Variants in SRGAP2 observed in about 807,000 individuals in gnomAD.
The protein encoded by SRGAP2 is SLIT-ROBO Rho GTPase-activating protein 2.
In SRGAP2, 15 loss-of-function variants were observed where a neutral mutation model predicts 57.2. The ratio of observed to expected loss-of-function variants is 0.26; its 90% CI spans 0.18 to 0.40. The LOEUF is 0.40. SRGAP2 is among the 10% of genes least tolerant of loss of function. The pLI is 1.00. For synonymous variants in SRGAP2, 249 were observed against 248.0 expected (o/e 1.00, Z -0.04); for missense variants, 520 against 669.6 (o/e 0.78, Z 2.47).
At chr1:206,272,701 T>C (rs2102659495) in intron 2 of SRGAP2, among the ~76,000 whole-genome samples, 1 of 152,348 alleles carries the variant, frequency 6.6e-6, no homozygotes, top group East Asian at 1.9e-4. Context: ...TGTGAGCCAC[T>C]GTGCCCAGCA....
At chr1:206,326,497 A>G (rs1269803328) in intron 3 of SRGAP2, among the ~76,000 whole-genome samples, 3 of 152,180 alleles carry the variant, frequency 2.0e-5, no homozygotes, top group Non-Finnish European at 4.4e-5. Context: ...AGCATTGTCC[A>G]TTAACTCTTT....
At chr1:206,453,438 A>C (rs1227414061) in intron 20 of SRGAP2, 58 bp downstream of exon 20, 2 of 506,922 alleles carry the variant, frequency 3.9e-6, no homozygotes, top group African/African-American at 2.0e-5. Flanking sequence ...TGGGAGTGAG[A>C]CTTCATTTCT....
At chr1:206,450,596 T>C in intron 19 of SRGAP2, 131 bp downstream of exon 19, 1 of 616,744 alleles carries the variant, frequency 1.6e-6, no homozygotes, top group Non-Finnish European at 2.9e-6. Context: ...GCTCCCTGTC[T>C]CAATTTCATT....
chr1:206,447,420 C>T (rs1027106550), intron 18 of SRGAP2, among the ~76,000 whole-genome samples: 1 of 152,198 alleles, frequency 6.6e-6, no homozygotes, highest in Non-Finnish European at 1.5e-5. Context: ...AAGAAAGTGG[C>T]ATTTGTGTTC....
intron 22 of SRGAP2, among the ~76,000 whole-genome samples, chr1:206,459,802 C>T (rs1664117151): frequency 6.6e-6 from 1 of 152,198 alleles, no homozygotes; most frequent in African/African-American, 2.4e-5. Context: ...TGGTTCTCTG[C>T]TTACGGAGAT....
At chr1:206,325,701 A>G (rs1306051845) in intron 3 of SRGAP2, among the ~76,000 whole-genome samples, 3 of 151,816 alleles carry the variant, frequency 2.0e-5, no homozygotes, top group African/African-American at 7.3e-5. Flanking sequence ...GAGAAATGCT[A>G]GTTGGTGACC....
At chr1:206,244,777 T>G (rs1331134473) in intron 2 of SRGAP2, among the ~76,000 whole-genome samples, 1 of 152,096 alleles carries the variant, frequency 6.6e-6, no homozygotes, top group African/African-American at 2.4e-5. Context: ...TCAAAAGAGG[T>G]TATAGCCAGG....
chr1:206,438,166 C>T (rs980067918), intron 16 of SRGAP2, 68 bp downstream of exon 16: 48 of 752,286 alleles, frequency 6.4e-5, no homozygotes, highest in Non-Finnish European at 1.5e-5. Flanking sequence ...GAAAAAGTTT[C>T]CACAGGGTCT....
At position 206,339,556 on chromosome 1, in the gene SRGAP2, A is replaced by AC. The variant is rs556891753; in HGVS notation, c.261-3289dup. On this transcript the variant is annotated intron_variant, in intron 3 of 22. Transcript: ENST00000573034. ...TTGCAGTGGTATCTAATGCAGGGAG[A>AC]CTGGGTCCTGGGTCTCTTGCTCATG... Among the ~76,000 whole-genome samples, 253 of 152,230 alleles carry AC rather than the reference A, an allele frequency of 1.7e-3. 4 individuals are homozygous for AC. Among genetic ancestry groups the AC allele is most frequent in the Admixed American group, 0.013 (201 of 15,288 alleles).
chr1:206,340,813 A>G (rs1675131544), intron 3 of SRGAP2, among the ~76,000 whole-genome samples: 1 of 149,108 alleles, frequency 6.7e-6, no homozygotes, highest in Admixed American at 6.7e-5. Flanking sequence ...TTTTTTCCCC[A>G]GATACTAAAC....
chr1:206,455,168 T>C, intron 21 of SRGAP2, 144 bp downstream of exon 21: 1 of 731,698 alleles, frequency 1.4e-6, no homozygotes, highest in South Asian at 1.5e-5. Context: ...TGGTCATTGC[T>C]GCTGCAAGGC....
chr1:206,254,639 A>G (rs1279770592), intron 2 of SRGAP2, among the ~76,000 whole-genome samples: 5 of 151,512 alleles, frequency 3.3e-5, no homozygotes, highest in African/African-American at 1.2e-4. Flanking sequence ...AAAAAAAAAG[A>G]TGTTCCAGGA....
chr1:206,281,438 G>A (rs1396450652), intron 2 of SRGAP2, among the ~76,000 whole-genome samples: 3 of 119,316 alleles, frequency 2.5e-5, no homozygotes, highest in African/African-American at 4.3e-5. Flanking sequence ...AAATCAAGTT[G>A]ACATAATACA....
chr1:206,394,387 C>A (rs1379994462), intron 7 of SRGAP2, among the ~76,000 whole-genome samples: 2 of 152,178 alleles, frequency 1.3e-5, no homozygotes, highest in Non-Finnish European at 2.9e-5. Context: ...ACATCAGCTT[C>A]TCTTGCACAG....
intron 4 of SRGAP2, among the ~76,000 whole-genome samples, chr1:206,347,021 C>T (rs1675679410): frequency 6.7e-6 from 1 of 148,812 alleles, no homozygotes; most frequent in African/African-American, 2.5e-5. Context: ...GTGGGAGGAT[C>T]GCTTGAAGCA....
Position 206,303,360 on chromosome 1 carries a change from C to T in SRGAP2, c.147C>T (p.Leu49=). 6.7e-7 allele frequency: 1 copy of T among 1,494,382 alleles called. No individual in the cohort carries two copies. The highest frequency in any genetic ancestry group is 9.1e-7 in the Non-Finnish European group (1 of 1,104,520). The allele number at this position is 1,494,382 out of a possible 1,614,324, so 92.6% of individuals were successfully genotyped here. A position where few individuals can be genotyped will look rare whatever the true frequency, so the allele number is the denominator to read the frequency against. Residue 49 remains leucine (L), a synonymous_variant, in exon 3 of 23, where the codon CTC becomes CTT. Coordinates refer to ENST00000573034, the MANE Select transcript of SRGAP2 (RefSeq NM_015326.5). ...TTCGGGTGCAACTGTTGCAGGACCT[C>T]CAGGACTTCTTCCGAAAGAAGGCAG... The part of the protein sequence containing the change: ...CELRVQLLQD[L]QDFFRKKAEI...
intron 6 of SRGAP2, 144 bp downstream of exon 6, chr1:206,393,048 G>T: frequency 3.1e-6 from 2 of 636,154 alleles, no homozygotes; most frequent in Non-Finnish European, 5.6e-6. Context: ...ATGAGGCCTT[G>T]CTCTGTGCCC....
At chr1:206,437,319 G>A (rs560005999) in intron 15 of SRGAP2, among the ~76,000 whole-genome samples, 27 of 152,312 alleles carry the variant, frequency 1.8e-4, no homozygotes, top group Middle Eastern at 6.8e-3. Flanking sequence ...TATCTGGGCG[G>A]TTTATGGCTT....
intron 2 of SRGAP2, among the ~76,000 whole-genome samples, chr1:206,222,726 T>C (rs1400975971): frequency 1.3e-5 from 2 of 151,702 alleles, no homozygotes; most frequent in Non-Finnish European, 2.9e-5. Context: ...CATTAGAAGA[T>C]AGAAAAGTAG....
Sources: allele counts gnomAD v4.1 joint callset (sites outside exome capture counted in the v4.1 genomes callset), GRCh38; gene constraint gnomAD v4.1.1; transcripts MANE v1.5; gene names NCBI Gene and HGNC (gene_info 2026-07-23, HGNC 2026-07-21).